Variants in SPEN observed in about 807,000 individuals in gnomAD.
SPEN encodes msx2-interacting protein.
SPEN carries 18 observed loss-of-function variants against 269.9 expected under a neutral mutation model. That is an observed-to-expected ratio of 0.07 (90% CI 0.05 to 0.10). The LOEUF (loss-of-function observed/expected upper bound fraction) is 0.10. SPEN is among the 10% of genes least tolerant of loss of function. The pLI is 1.00. For missense variants in SPEN, 3,822 were observed against 4,631.2 expected, an observed-to-expected ratio of 0.83 and a Z score of 5.07; for synonymous variants, 1,726 against 1,765.7, an observed-to-expected ratio of 0.98 and a Z score of 0.56.
In SPEN at chr1:15,934,952, C is replaced by G; in HGVS notation, c.8712C>G (p.Ala2904=). Reference sequence around the variant, plus strand: ...CTCCTGTGATTTCGTCTGTGAAGGCCGATAGGCCATCCTTGGAGAAGCCCG... The same window carrying G: ...CTCCTGTGATTTCGTCTGTGAAGGCGGATAGGCCATCCTTGGAGAAGCCCG... The part of the protein sequence containing the change: ...NASPVISSVK[A]DRPSLEKPEP... The change falls in exon 11 of 15, where the codon GCC becomes GCG. Residue 2904 remains alanine (A), a synonymous_variant. Transcript: ENST00000375759. The surrounding 1 kb of genome is among the most constrained non-coding windows in gnomAD (Gnocchi z 9.2). 1.2e-6 allele frequency: 2 copies of G among 1,614,022 alleles called. No individual in the cohort carries two copies. Among genetic ancestry groups the G allele is most frequent in the Non-Finnish European group, 1.7e-6 (2 of 1,180,008 alleles).
At chr1:15,865,424 T>G (rs907161900) in intron 1 of SPEN, among the ~76,000 whole-genome samples, 6 of 149,876 alleles carry the variant, frequency 4.0e-5, no homozygotes, top group Non-Finnish European at 7.4e-5. Flanking sequence ...ATGCCTGTTT[T>G]TTTTTTTTTT....
rs776936783 is a variant in SPEN at position 15,930,878 on chromosome 1, A to C, written c.4638A>C (p.Leu1546=). 2 of 1,613,992 alleles carry C rather than the reference A, an allele frequency of 1.2e-6. No homozygotes were observed. Among genetic ancestry groups the C allele is most frequent in the African/African-American group, 2.7e-5 (2 of 74,932 alleles). The change falls in exon 11 of 15, where the codon CTA becomes CTC. Residue 1546 remains leucine, a synonymous_variant. Coordinates refer to ENST00000375759, the MANE Select transcript of SPEN (RefSeq NM_015001.3). The surrounding 1 kb of genome is among the most constrained non-coding windows in gnomAD (Gnocchi z 5.3). ...FEQDSKRLQH[L]ERKEEDSDFI... Reference sequence around the variant, plus strand: ...AAGATTCCAAGCGATTGCAGCATCTAGAGAGAAAAGAGGAAGATTCTGACT... The same window carrying C: ...AAGATTCCAAGCGATTGCAGCATCTCGAGAGAAAAGAGGAAGATTCTGACT...
In SPEN at chr1:15,934,403, C is replaced by A. The variant is rs771762613; in HGVS notation, c.8163C>A (p.Ala2721=). The change falls in exon 11 of 15, where the codon GCC becomes GCA. Residue 2721 remains alanine (A), a synonymous_variant. Transcript: ENST00000375759. The surrounding 1 kb of genome is among the most constrained non-coding windows in gnomAD (Gnocchi z 9.2). ...CCACGGTGGGCACAGTGAATGCCGCCCCAGGCACAGTCAATGCCGCTGCGA... is the reference window on the plus strand; with the variant it reads ...CCACGGTGGGCACAGTGAATGCCGCACCAGGCACAGTCAATGCCGCTGCGA... ...VNATVGTVNA[A]PGTVNAAASA... 4.3e-6 allele frequency: 7 copies of A among 1,613,740 alleles called. No individual in the cohort carries two copies. The highest frequency in any genetic ancestry group is 5.9e-6 in the Non-Finnish European group (7 of 1,180,032).
chr1:15,932,503 A>G lies in SPEN; in HGVS notation c.6263A>G (p.Asp2088Gly), dbSNP rs745682466. The G allele has an allele frequency of 4.4e-6, 7 of 1,605,616 alleles. No individual in the cohort carries two copies. The African/African-American group carries it at 5.4e-5, about 12-fold the overall frequency. ...TCTCGAAACTCCAGGTTAGCAGTGG[A>G]CAAATCTGCAAGTCTGAAAAATGTG... The part of the protein sequence containing the change: ...GRSRNSRLAV[D>G]KSASLKNVDA... Residue 2088 changes from aspartate to glycine, a missense_variant, in exon 11 of 15, where the codon GAC becomes GGC. By Grantham distance (94) the Asp-to-Gly change is moderately conservative. This residue lies in a region of SPEN where 727 missense variants were observed against 737.9 expected (regional missense o/e 0.99). Coordinates refer to ENST00000375759, the MANE Select transcript of SPEN (RefSeq NM_015001.3). This position sits in a 1 kb window ranked among gnomAD's most constrained non-coding sequence, Gnocchi z 4.2.
intron 3 of SPEN, among the ~76,000 whole-genome samples, chr1:15,879,694 G>A (rs1569997159): frequency 2.7e-5 from 4 of 150,538 alleles, no homozygotes; most frequent in African/African-American, 7.3e-5. Context: ...TTTTTGAGGC[G>A]GAGTCTCGCT....
Position 15,936,269 on chromosome 1 carries a change from GAGCC to G in SPEN, c.10026+10_10026+13del, listed in dbSNP as rs1002883262. On this transcript the variant is annotated splice_donor_5th_base_variant and intron_variant, in intron 11 of 14. Transcript: ENST00000375759. ...CCCGGACCAAGACAGCTGCTCAGGTGAGCCAGCCAGGTATCTCCCCACTGTCTGT... is the reference window on the plus strand; with the variant it reads ...CCCGGACCAAGACAGCTGCTCAGGTGAGCCAGGTATCTCCCCACTGTCTGT... 2.5e-5 allele frequency: 39 copies of G among 1,533,392 alleles called. No homozygotes were observed. The highest frequency in any genetic ancestry group is 3.1e-5 in the Non-Finnish European group (35 of 1,132,878). The allele number at this position is 1,533,392 out of a possible 1,614,324, so 95.0% of individuals were successfully genotyped here. A position where few individuals can be genotyped will look rare whatever the true frequency, so the allele number is the denominator to read the frequency against.
chr1:15,898,010 A>G (rs1346194153), intron 3 of SPEN, among the ~76,000 whole-genome samples: 1 of 152,110 alleles, frequency 6.6e-6, no homozygotes, highest in Non-Finnish European at 1.5e-5. Flanking sequence ...TCTCTGAGGA[A>G]GTTTACCTGG....
intron 3 of SPEN, among the ~76,000 whole-genome samples, chr1:15,889,519 A>G (rs376289198): frequency 1.3e-5 from 2 of 152,006 alleles, no homozygotes; most frequent in African/African-American, 4.8e-5. Flanking sequence ...TCTTTATACA[A>G]GCACCCCTCT....
intron 3 of SPEN, 158 bp downstream of exon 3, chr1:15,876,836 ACTGTT>A: frequency 1.5e-6 from 1 of 660,068 alleles, no homozygotes; most frequent in South Asian, 1.9e-5. Context: ...CATTGAATTA[ACTGTT>A]CTAAGTACTC....
intron 1 of SPEN, among the ~76,000 whole-genome samples, chr1:15,859,780 T>C (rs1465694996): frequency 1.3e-5 from 2 of 152,108 alleles, no homozygotes; most frequent in Non-Finnish European, 2.9e-5. Context: ...AGAGGACTTT[T>C]CCTAAAAAGA....
intron 1 of SPEN, among the ~76,000 whole-genome samples, chr1:15,851,579 CTT>C (rs1485210352): frequency 6.6e-6 from 1 of 152,182 alleles, no homozygotes; most frequent in African/African-American, 2.4e-5. Flanking sequence ...ACATCTTTAT[CTT>C]TTCAGATTTT....
At chr1:15,864,450 G>A (rs1202220994) in intron 1 of SPEN, among the ~76,000 whole-genome samples, 2 of 149,088 alleles carry the variant, frequency 1.3e-5, no homozygotes, top group Admixed American at 6.7e-5. Flanking sequence ...GATTATAGGC[G>A]TGAGCCTCTG....
At position 15,848,499 on chromosome 1, in the gene SPEN, C is replaced by T. The variant is rs1215058894; in HGVS notation, c.83+349C>T. Among the ~76,000 whole-genome samples, 1 of 151,956 alleles carries T rather than the reference C, an allele frequency of 6.6e-6. No individual in the cohort carries two copies. The highest frequency in any genetic ancestry group is 2.4e-5 in the African/African-American group (1 of 41,410). On this transcript the variant is annotated intron_variant, in intron 1 of 14. Coordinates refer to ENST00000375759, the MANE Select transcript of SPEN (RefSeq NM_015001.3). This position sits in a 1 kb window ranked among gnomAD's most constrained non-coding sequence, Gnocchi z 5.1. ...GGAGATGCGCTGGGCGGCGGGGTCG[C>T]GTCCTTGCGCGCAGTGCCCGGCCCG... is the stretch of plus-strand genomic sequence containing the variant.
At chr1:15,919,113 G>C in intron 7 of SPEN, 62 bp downstream of exon 7, 1 of 1,507,438 alleles carries the variant, frequency 6.6e-7, no homozygotes, top group Non-Finnish European at 9.0e-7. Flanking sequence ...AAGACTTGAA[G>C]GGTTTTTTTT....
chr1:15,870,777 A>G (rs1053287206), intron 1 of SPEN, among the ~76,000 whole-genome samples: 5 of 152,154 alleles, frequency 3.3e-5, no homozygotes, highest in Non-Finnish European at 5.9e-5. Context: ...AATTCCTTGG[A>G]TTTTAGCATA....
intron 3 of SPEN, among the ~76,000 whole-genome samples, chr1:15,891,032 C>T (rs920079577): frequency 5.3e-5 from 8 of 152,142 alleles, no homozygotes; most frequent in Non-Finnish European, 1.0e-4. Flanking sequence ...AAACAAAAAC[C>T]TCCCTAATAA....
rs760123685 is a variant in SPEN at position 15,933,219 on chromosome 1, C to T, written c.6979C>T (p.Arg2327Trp). The change falls in exon 11 of 15, where the codon CGG becomes TGG. Residue 2327 changes from arginine (R) to tryptophan (W), a missense_variant. Coordinates refer to ENST00000375759, the MANE Select transcript of SPEN (RefSeq NM_015001.3). This position sits in a 1 kb window ranked among gnomAD's most constrained non-coding sequence, Gnocchi z 5.7. Reference protein sequence around the residue: ...GSKEVEVTLVRKDKGRQKTTR... With the variant: ...GSKEVEVTLVWKDKGRQKTTR... Reference sequence around the variant, plus strand: ...TAAAGAAGTGGAAGTCACTCTTGTTCGGAAAGACAAAGGGCGCCAGAAAAC... The same window carrying T: ...TAAAGAAGTGGAAGTCACTCTTGTTTGGAAAGACAAAGGGCGCCAGAAAAC... The T allele has an allele frequency of 1.5e-5, 24 of 1,613,966 alleles. No individual in the cohort carries two copies. Among genetic ancestry groups the T allele is most frequent in the Middle Eastern group, 3.3e-4 (2 of 6,084 alleles).
intron 3 of SPEN, among the ~76,000 whole-genome samples, chr1:15,896,473 G>C (rs1162659015): frequency 6.6e-6 from 1 of 152,014 alleles, no homozygotes; most frequent in African/African-American, 2.4e-5. Flanking sequence ...TGGGGTTACA[G>C]GATTGAGCCA....
chr1:15,880,569 ACT>A (rs1269219212), intron 3 of SPEN, among the ~76,000 whole-genome samples: 10 of 143,378 alleles, frequency 7.0e-5, no homozygotes, highest in African/African-American at 2.6e-4. Context: ...GATTCTCTTG[ACT>A]CAGCCTCCTG....
Sources: allele counts gnomAD v4.1 joint callset (sites outside exome capture counted in the v4.1 genomes callset), GRCh38; gene constraint gnomAD v4.1.1; regional missense constraint gnomAD v4.1.1; non-coding constraint Gnocchi (gnomAD v3.1); transcripts MANE v1.5; gene names NCBI Gene and HGNC (gene_info 2026-07-23, HGNC 2026-07-21).